Variants in PINX1 observed in about 807,000 individuals in gnomAD.
PINX1 encodes the protein PIN2/TERF1-interacting telomerase inhibitor 1.
A neutral mutation model predicts 25.4 loss-of-function variants in PINX1; 34 were observed. The ratio of observed to expected loss-of-function variants is 1.34; its 90% CI spans 1.02 to 1.78. PINX1 has a LOEUF of 1.78. Ranked by LOEUF, PINX1 falls within the 40% of genes most tolerant of loss-of-function variation. The pLI is 0.00. For missense variants in PINX1, 592 were observed against 404.9 expected (o/e 1.46, Z -3.97); for synonymous variants, 197 against 147.7 (o/e 1.33, Z -2.42).
At position 10,787,857 on chromosome 8, in the gene PINX1, C is replaced by G. The variant is rs1387012866; in HGVS notation, c.472-21941G>C. The G allele has an allele frequency of 1.1e-5, 5 of 455,560 alleles. 1 individual carries two copies. Among genetic ancestry groups the G allele is most frequent in the African/African-American group, 6.0e-5 (3 of 50,052 alleles). 28.2% of individuals were successfully genotyped at this position (455,560 alleles called of 1,614,324 possible). A position where few individuals can be genotyped will look rare whatever the true frequency, so the allele number is the denominator to read the frequency against. On this transcript the variant is annotated intron_variant, in intron 6 of 6. Coordinates refer to ENST00000314787, the MANE Select transcript of PINX1 (RefSeq NM_017884.6). ...AGAAAAAAGAGAGAAGGAATGAGAA[C>G]CTATTGGTTAAGAAAGTCTGAAAGA...
intron 3 of PINX1, among the ~76,000 whole-genome samples, chr8:10,832,456 G>A (rs985806204): frequency 3.3e-5 from 5 of 152,160 alleles, no homozygotes; most frequent in South Asian, 2.1e-4. Context: ...AAGAAAATAA[G>A]TATATCTGTG....
intron 6 of PINX1, among the ~76,000 whole-genome samples, chr8:10,786,558 C>T (rs7822821): frequency 1.1e-4 from 16 of 152,158 alleles, no homozygotes; most frequent in Non-Finnish European, 2.1e-4. Context: ...GAAAATTAAG[C>T]GTGAGCTACG....
rs576134062 is a variant in PINX1 at position 10,818,788 on chromosome 8, T to C, written c.471+1405A>G. 4.2e-4 allele frequency among the ~76,000 whole-genome samples: 64 copies of C among 150,664 alleles called. 1 individual carries two copies. The highest frequency in any genetic ancestry group is 1.4e-3 in the African/African-American group (59 of 40,986). On this transcript the variant is annotated intron_variant, in intron 6 of 6. Coordinates refer to ENST00000314787, the MANE Select transcript of PINX1 (RefSeq NM_017884.6). ...GTTGGGCAGAGCAAAGGAGATGGAG[T>C]TCAAGAGGCGCGGGACTGGAATTCT...
At chr8:10,772,064 G>A (rs1332192857) in intron 6 of PINX1, among the ~76,000 whole-genome samples, 1 of 152,244 alleles carries the variant, frequency 6.6e-6, no homozygotes, top group Non-Finnish European at 1.5e-5. Flanking sequence ...GAACTGCCAC[G>A]TTCTTTTTGT....
At chr8:10,815,000 C>T (rs921040367) in intron 6 of PINX1, among the ~76,000 whole-genome samples, 1 of 152,158 alleles carries the variant, frequency 6.6e-6, no homozygotes, top group Admixed American at 6.5e-5. Context: ...AGTGCGATGG[C>T]GTGATGATAG....
chr8:10,838,337 T>C (rs1424630253), intron 1 of PINX1, among the ~76,000 whole-genome samples: 1 of 152,196 alleles, frequency 6.6e-6, no homozygotes, highest in Non-Finnish European at 1.5e-5. Flanking sequence ...GATTTGACAA[T>C]TTGGAATAAC....
chr8:10,835,573 T>A (rs1025244209), intron 1 of PINX1, among the ~76,000 whole-genome samples: 1 of 152,228 alleles, frequency 6.6e-6, no homozygotes, highest in African/African-American at 2.4e-5. Context: ...GAATAACTTA[T>A]CTGTTTCTTA....
At chr8:10,805,326 C>T (rs1290599880) in intron 6 of PINX1, among the ~76,000 whole-genome samples, 1 of 152,264 alleles carries the variant, frequency 6.6e-6, no homozygotes, top group Non-Finnish European at 1.5e-5. Flanking sequence ...GTTCAGAGCA[C>T]TTTCTGCAAC....
At chr8:10,766,753 T>C (rs540714668) in intron 6 of PINX1, among the ~76,000 whole-genome samples, 1 of 152,220 alleles carries the variant, frequency 6.6e-6, no homozygotes, top group African/African-American at 2.4e-5. Flanking sequence ...TCAGGTAATA[T>C]CTGCTATAAG....
chr8:10,780,942 G>C (rs1801566559), intron 6 of PINX1, among the ~76,000 whole-genome samples: 1 of 152,120 alleles, frequency 6.6e-6, no homozygotes, highest in South Asian at 2.1e-4. Context: ...CACACTTCTT[G>C]ATGTAAAATT....
chr8:10,769,199 CTTT>C (rs1801149519), intron 6 of PINX1, among the ~76,000 whole-genome samples: 1 of 152,130 alleles, frequency 6.6e-6, no homozygotes, highest in Non-Finnish European at 1.5e-5. Context: ...GTCTCTCTCT[CTTT>C]TTCAAATTCC....
intron 6 of PINX1, among the ~76,000 whole-genome samples, chr8:10,772,589 C>G (rs753097130): frequency 6.6e-6 from 1 of 152,214 alleles, no homozygotes. Flanking sequence ...TTAGGCTAAA[C>G]GCACCAAGTC....
At chr8:10,838,077 C>G (rs887845724) in intron 1 of PINX1, among the ~76,000 whole-genome samples, 1 of 152,352 alleles carries the variant, frequency 6.6e-6, no homozygotes, top group South Asian at 2.1e-4. Context: ...TGTCGCTGTA[C>G]CTCACTTCCG....
At chr8:10,787,233 G>GT (rs1474467039) in intron 6 of PINX1, among the ~76,000 whole-genome samples, 2 of 151,494 alleles carry the variant, frequency 1.3e-5, no homozygotes, top group African/African-American at 2.4e-5. Context: ...ACGTTTGTTT[G>GT]TTTTTTTTCC....
At chr8:10,834,821 G>C (rs777624969) in intron 1 of PINX1, 46 bp from the exon 2 acceptor site, 11 of 1,346,404 alleles carry the variant, frequency 8.2e-6, no homozygotes, top group Non-Finnish European at 1.2e-5. Flanking sequence ...ATGATACCCG[G>C]AAAATACCAC....
In PINX1 at chr8:10,831,755, A is replaced by G. The variant is rs189145098; in HGVS notation, c.223-12T>C. The G allele has an allele frequency of 5.3e-5, 81 of 1,528,726 alleles. 1 individual carries two copies. In the African/African-American group the frequency reaches 9.9e-4, roughly 19 times the overall value. The allele number at this position is 1,528,726 out of a possible 1,614,324, so 94.7% of individuals were successfully genotyped here. ...GCAATCCAGTTGTCCTGAAAATATCAAAGAAATGAACGAGAGGTAAGCCTG... is the reference window on the plus strand; with the variant it reads ...GCAATCCAGTTGTCCTGAAAATATCGAAGAAATGAACGAGAGGTAAGCCTG... On this transcript the variant is annotated splice_polypyrimidine_tract_variant and intron_variant, in intron 3 of 6. Coordinates refer to ENST00000314787, the MANE Select transcript of PINX1 (RefSeq NM_017884.6).
At chr8:10,817,075 G>A (rs1454395763) in intron 6 of PINX1, among the ~76,000 whole-genome samples, 2 of 152,194 alleles carry the variant, frequency 1.3e-5, no homozygotes, top group Non-Finnish European at 2.9e-5. Context: ...CAAGGGTGAT[G>A]CTGTTACCCA....
chr8:10,808,287 T>C (rs547569637), intron 6 of PINX1, among the ~76,000 whole-genome samples: 3 of 152,326 alleles, frequency 2.0e-5, no homozygotes, highest in Admixed American at 6.5e-5. Flanking sequence ...CAAGTTATTA[T>C]TGTAAAATAT....
intron 1 of PINX1, among the ~76,000 whole-genome samples, chr8:10,837,141 G>A (rs746970148): frequency 6.6e-6 from 1 of 152,232 alleles, no homozygotes; most frequent in Non-Finnish European, 1.5e-5. Context: ...TTATGCAAAT[G>A]ATACAGTTTA....
Sources: gnomAD v4.1 joint callset for allele counts (sites outside exome capture counted in the v4.1 genomes callset) on GRCh38, gnomAD v4.1.1 for gene constraint, MANE v1.5 for transcripts, NCBI Gene and HGNC (gene_info 2026-07-23, HGNC 2026-07-21) for gene names.